The following FSD1L variants were observed in gnomAD, a reference collection of about 807,000 sequenced individuals.
FSD1L encodes the protein FSD1-like protein.
A neutral mutation model predicts 71.6 loss-of-function variants in FSD1L; 45 were observed. The observed-to-expected ratio is 0.63, with a 90% confidence interval of 0.49 to 0.81. The LOEUF (loss-of-function observed/expected upper bound fraction) is 0.81. Among genes scored for constraint, FSD1L ranks in the 30% least tolerant of loss-of-function variants. The probability of loss-of-function intolerance (pLI) is 0.00; values close to 1 mark genes in which losing one functional copy is unlikely to be tolerated. For synonymous variants in FSD1L, 197 were observed against 207.2 expected (o/e 0.95, Z 0.42); for missense variants, 561 against 618.1 (o/e 0.91, Z 0.98).
At chr9:105,445,188 G>T (rs1829616022), upstream of FSD1L, among the ~76,000 whole-genome samples, 1 of 152,186 alleles carries the variant, frequency 6.6e-6, no homozygotes. Flanking sequence ...AACTGGGGAA[G>T]ACAGAAGTCA....
At chr9:105,496,071 C>CT (rs1284144003) in intron 7 of FSD1L, among the ~76,000 whole-genome samples, 1 of 151,036 alleles carries the variant, frequency 6.6e-6, no homozygotes, top group East Asian at 1.9e-4. Context: ...TTGACGATGT[C>CT]TTTTACAGAG....
intron 7 of FSD1L, among the ~76,000 whole-genome samples, chr9:105,495,847 C>A (rs957567949): frequency 1.3e-5 from 2 of 151,848 alleles, no homozygotes; most frequent in African/African-American, 4.8e-5. Context: ...TAGTGATGGG[C>A]GCATGTAGTC....
At chr9:105,473,040 C>T (rs553343135) in intron 5 of FSD1L, 1 of 152,234 alleles carries the variant, frequency 6.6e-6, no homozygotes, top group South Asian at 2.1e-4. Context: ...TATGGTGGCT[C>T]ATGCCTGTAA....
At chr9:105,546,319 T>G (rs1039279269) in intron 13 of FSD1L, 39 bp from the exon 14 acceptor site, 2 of 1,491,800 alleles carry the variant, frequency 1.3e-6, no homozygotes, top group Non-Finnish European at 1.8e-6. Flanking sequence ...AAATTCTAGT[T>G]TGATTTGCAA....
In FSD1L at chr9:105,508,704, T is replaced by C; in HGVS notation, c.884T>C (p.Leu295Pro). ...GGAGAGTATTCTGATCCAGTGACTC[T>C]AGAGACCAAAGGTGAGATCAGTAGC... The part of the protein sequence containing the change: ...VAGEYSDPVT[L>P]ETKALNFNLD... The change falls in exon 9 of 14, where the codon CTA becomes CCA. Residue 295 changes from leucine (L) to proline (P), a missense_variant. Coordinates refer to ENST00000481272, the MANE Select transcript of FSD1L (RefSeq NM_001145313.3). 2 of 1,544,240 alleles carry C rather than the reference T, an allele frequency of 1.3e-6. No homozygotes were observed. The highest frequency in any genetic ancestry group is 1.8e-6 in the Non-Finnish European group (2 of 1,140,174).
intron 2 of FSD1L, among the ~76,000 whole-genome samples, chr9:105,463,775 A>G (rs1343012263): frequency 6.6e-6 from 1 of 152,228 alleles, no homozygotes; most frequent in African/African-American, 2.4e-5. Flanking sequence ...CTAAATGCAC[A>G]TGTATTATCT....
chr9:105,452,280 TA>T (rs1405856868), intron 1 of FSD1L, among the ~76,000 whole-genome samples: 1 of 151,990 alleles, frequency 6.6e-6, no homozygotes, highest in African/African-American at 2.4e-5. Context: ...ACGCCTCAGT[TA>T]AAAAAAATTG....
At chr9:105,446,209 A>G (rs151194772), upstream of FSD1L, among the ~76,000 whole-genome samples, 18 of 152,180 alleles carry the variant, frequency 1.2e-4, no homozygotes, top group Non-Finnish European at 2.2e-4. Context: ...TCTCTCCACA[A>G]GGCCTTTGTA....
Position 105,550,303 on chromosome 9 carries a change from G to C in FSD1L, c.*3820G>C, listed in dbSNP as rs1039082961. ...TCACTTTTATATAGTCACATGTAAT[G>C]GGCCTGAAAAAGTTTCTTCTTTGAT... On this transcript the variant is annotated 3_prime_UTR_variant, in exon 14 of 14. Coordinates refer to ENST00000481272, the MANE Select transcript of FSD1L (RefSeq NM_001145313.3). The C allele has an allele frequency of 1.3e-5, 2 of 151,890 alleles. No individual in the cohort carries two copies. Among genetic ancestry groups the C allele is most frequent in the African/African-American group, 4.8e-5 (2 of 41,396 alleles). 9.4% of individuals were successfully genotyped at this position (151,890 alleles called of 1,614,324 possible).
At chr9:105,508,794 C>A in intron 9 of FSD1L, 79 bp downstream of exon 9, 1 of 812,010 alleles carries the variant, frequency 1.2e-6, no homozygotes, top group South Asian at 1.8e-5. Flanking sequence ...ACAGGAAGCA[C>A]TTCATGTGAT....
chr9:105,446,507 G>T (rs890347561), upstream of FSD1L, among the ~76,000 whole-genome samples: 4 of 151,912 alleles, frequency 2.6e-5, no homozygotes, highest in African/African-American at 4.8e-5. Context: ...TCTGGCTACA[G>T]GCTTGCAGCA....
intron 7 of FSD1L, among the ~76,000 whole-genome samples, chr9:105,496,444 T>TA (rs1485679760): frequency 6.6e-6 from 1 of 152,212 alleles, no homozygotes; most frequent in Non-Finnish European, 1.5e-5. Context: ...TTACTGGGAT[T>TA]ATGATTGGGA....
At chr9:105,532,590 G>A (rs901863305) in intron 10 of FSD1L, among the ~76,000 whole-genome samples, 1 of 152,008 alleles carries the variant, frequency 6.6e-6, no homozygotes, top group Non-Finnish European at 1.5e-5. Flanking sequence ...CTGTTTTGCT[G>A]TCCCCGTACC....
chr9:105,537,194 T>G (rs149224332), intron 12 of FSD1L, among the ~76,000 whole-genome samples: 48 of 152,342 alleles, frequency 3.2e-4, no homozygotes, highest in African/African-American at 1.1e-3. Context: ...AGTAATTCCC[T>G]AGATGTTTTT....
intron 1 of FSD1L, among the ~76,000 whole-genome samples, chr9:105,458,771 A>G (rs1023277308): frequency 6.6e-6 from 1 of 152,126 alleles, no homozygotes; most frequent in African/African-American, 2.4e-5. Flanking sequence ...TTCACCAGGG[A>G]CCCACCCCTA....
chr9:105,471,946 GA>G lies in FSD1L; in HGVS notation c.384del (p.Glu128AspfsTer3). On this transcript the variant is annotated frameshift_variant, in exon 5 of 14. Coordinates refer to ENST00000481272, the MANE Select transcript of FSD1L (RefSeq NM_001145313.3). LOFTEE classifies it high-confidence loss of function. ...TAATAATGCCCTGGAGAACTCTGAA[GA>G]ACTATTAGAATTTGCAACAAGGTCA... Reference protein sequence around the residue: ...QCNNALENSEELLEFATRSLD... With the variant: ...QCNNALENSEXLLEFATRSLD... 7.1e-7 allele frequency: 1 copy of G among 1,410,172 alleles called. No homozygotes were observed. The highest frequency in any genetic ancestry group is 9.2e-7 in the Non-Finnish European group (1 of 1,081,736). 87.4% of individuals were successfully genotyped at this position (1,410,172 alleles called of 1,614,324 possible).
At chr9:105,511,002 T>A (rs1352242258) in intron 9 of FSD1L, among the ~76,000 whole-genome samples, 2 of 151,464 alleles carry the variant, frequency 1.3e-5, no homozygotes, top group African/African-American at 4.8e-5. Context: ...TTTTTTTTTT[T>A]AACTATAGAG....
intron 3 of FSD1L, among the ~76,000 whole-genome samples, chr9:105,466,748 G>A (rs1831107839): frequency 6.6e-6 from 1 of 151,992 alleles, no homozygotes; most frequent in South Asian, 2.1e-4. Flanking sequence ...TTGGAAAATT[G>A]GTGAATCAGC....
intron 10 of FSD1L, chr9:105,523,056 G>A: frequency 6.2e-7 from 1 of 1,614,166 alleles, no homozygotes; most frequent in Non-Finnish European, 8.5e-7. Context: ...CGACACTGGG[G>A]TTACGTCCTC....
Sources: gnomAD v4.1 joint callset for allele counts (sites outside exome capture counted in the v4.1 genomes callset) on GRCh38, gnomAD v4.1.1 for gene constraint, MANE v1.5 for transcripts, NCBI Gene and HGNC (gene_info 2026-07-23, HGNC 2026-07-21) for gene names.